LRRC4C: variants seen among roughly 807,000 people sequenced by gnomAD.
LRRC4C encodes leucine rich repeat containing 4C.
Under a neutral mutation model 33.6 loss-of-function variants are expected in LRRC4C, and 5 were observed. The observed-to-expected ratio is 0.15, with a 90% CI of 0.08 to 0.31. LRRC4C has a LOEUF of 0.31. Among genes scored for constraint, LRRC4C ranks in the 10% least tolerant of loss-of-function variants. The pLI, the probability that LRRC4C is intolerant of heterozygous loss-of-function variation, is 1.00. For missense variants in LRRC4C, 560 were observed against 796.7 expected, an observed-to-expected ratio of 0.70 and a Z score of 3.58; for synonymous variants, 329 against 302.0, an observed-to-expected ratio of 1.09 and a Z score of -0.93.
At chr11:41,368,404 C>T (rs2137751019) in intron 1 of LRRC4C, among the ~76,000 whole-genome samples, 1 of 152,292 alleles carries the variant, frequency 6.6e-6, no homozygotes, top group South Asian at 2.1e-4. Context: ...GAGAAAAATC[C>T]CATTAGCCAG....
intron 1 of LRRC4C, among the ~76,000 whole-genome samples, chr11:41,305,043 G>GTT (rs1950444873): frequency 2.7e-5 from 1 of 36,570 alleles, no homozygotes; most frequent in African/African-American, 8.3e-5. Flanking sequence ...CCGGGAGGGA[G>GTT]GTGGGGGGGG....
At chr11:40,670,057 T>C (rs17503018) in intron 2 of LRRC4C, among the ~76,000 whole-genome samples, 1 of 152,150 alleles carries the variant, frequency 6.6e-6, no homozygotes, top group Non-Finnish European at 1.5e-5. Context: ...TCTTCATTTT[T>C]GTCATCAAAG....
chr11:40,164,156 A>T (rs1859392205), intron 5 of LRRC4C, among the ~76,000 whole-genome samples: 1 of 152,204 alleles, frequency 6.6e-6, no homozygotes. Context: ...CTCAGTCTTA[A>T]GCCATCAGGA....
At chr11:40,376,055 G>A (rs1235037041) in intron 3 of LRRC4C, among the ~76,000 whole-genome samples, 2 of 152,086 alleles carry the variant, frequency 1.3e-5, no homozygotes, top group Non-Finnish European at 1.5e-5. Context: ...TAATACTCTT[G>A]TGCATGAAAC....
intron 1 of LRRC4C, among the ~76,000 whole-genome samples, chr11:40,991,848 G>A (rs909610257): frequency 6.6e-6 from 1 of 152,158 alleles, no homozygotes; most frequent in African/African-American, 2.4e-5. Context: ...AAATACTGAT[G>A]AAGCTTTGCT....
intron 2 of LRRC4C, among the ~76,000 whole-genome samples, chr11:40,901,741 G>A (rs553784514): frequency 5.9e-5 from 9 of 152,050 alleles, no homozygotes; most frequent in Admixed American, 2.6e-4. Flanking sequence ...AGAGTGAACC[G>A]TACACAATAC....
At chr11:40,892,989 A>T (rs530286386) in intron 2 of LRRC4C, among the ~76,000 whole-genome samples, 2 of 152,304 alleles carry the variant, frequency 1.3e-5, no homozygotes, top group South Asian at 4.1e-4. Context: ...ATCCAAGGTC[A>T]CAAGTATTTA....
intron 1 of LRRC4C, among the ~76,000 whole-genome samples, chr11:41,369,397 T>A (rs1031548972): frequency 2.6e-5 from 4 of 151,558 alleles, no homozygotes; most frequent in South Asian, 2.1e-4. Context: ...GGGTAGAGGG[T>A]GAGAGCAGGG....
intron 3 of LRRC4C, among the ~76,000 whole-genome samples, chr11:40,394,757 C>T (rs1949473230): frequency 6.6e-6 from 1 of 152,026 alleles, no homozygotes; most frequent in Non-Finnish European, 1.5e-5. Flanking sequence ...TAGAGAGAAG[C>T]AATGATTTAT....
At chr11:40,749,188 G>T (rs540800849) in intron 2 of LRRC4C, among the ~76,000 whole-genome samples, 1 of 152,036 alleles carries the variant, frequency 6.6e-6, no homozygotes, top group Non-Finnish European at 1.5e-5. Flanking sequence ...TCATCAGTAC[G>T]TGGAAAAGTC....
intron 1 of LRRC4C, among the ~76,000 whole-genome samples, chr11:41,294,319 G>A (rs1011388009): frequency 1.8e-4 from 28 of 152,152 alleles, no homozygotes; most frequent in African/African-American, 6.5e-4. Context: ...TGAGAGAAAA[G>A]GACTTCGCAC....
chr11:40,646,463 T>C (rs984497616), intron 3 of LRRC4C, among the ~76,000 whole-genome samples: 9 of 152,130 alleles, frequency 5.9e-5, no homozygotes, highest in Admixed American at 1.3e-4. Context: ...TTTACATGGG[T>C]CACCTAAATG....
chr11:41,263,680 G>T (rs1384835432), intron 1 of LRRC4C, among the ~76,000 whole-genome samples: 1 of 152,078 alleles, frequency 6.6e-6, no homozygotes, highest in South Asian at 2.1e-4. Context: ...ACTGCTAGGG[G>T]AGTTGTTGAT....
intron 1 of LRRC4C, among the ~76,000 whole-genome samples, chr11:41,376,691 ATG>A (rs1952947356): frequency 6.6e-6 from 1 of 152,206 alleles, no homozygotes; most frequent in African/African-American, 2.4e-5. Context: ...AGAAATATTT[ATG>A]TGTGTATTTG....
intron 1 of LRRC4C, among the ~76,000 whole-genome samples, chr11:41,372,227 T>C (rs1383867925): frequency 6.6e-6 from 1 of 152,238 alleles, no homozygotes; most frequent in Non-Finnish European, 1.5e-5. Context: ...TATACAGCCA[T>C]GTGTTCAGGC....
chr11:40,888,532 A>G (rs1955562688), intron 2 of LRRC4C, among the ~76,000 whole-genome samples: 11 of 152,032 alleles, frequency 7.2e-5, no homozygotes, highest in Admixed American at 7.2e-4. Flanking sequence ...TTCTTTGCTG[A>G]AAAATGATTC....
intron 2 of LRRC4C, among the ~76,000 whole-genome samples, chr11:40,653,152 A>G (rs1942906078): frequency 6.6e-6 from 1 of 152,196 alleles, no homozygotes; most frequent in Non-Finnish European, 1.5e-5. Context: ...ATGTACTAAT[A>G]TAGTTAGTTG....
At chr11:40,231,682 T>A (rs1019233465) in intron 5 of LRRC4C, among the ~76,000 whole-genome samples, 4 of 152,188 alleles carry the variant, frequency 2.6e-5, no homozygotes, top group African/African-American at 9.6e-5. Flanking sequence ...TTTATAGATG[T>A]TTAAAATGAA....
At chr11:40,955,219 C>T (rs750739708) in intron 1 of LRRC4C, among the ~76,000 whole-genome samples, 2 of 151,774 alleles carry the variant, frequency 1.3e-5, no homozygotes, top group African/African-American at 2.4e-5. Context: ...CCAAGAGATT[C>T]AATTTTTCAA....
Sources: gnomAD v4.1 joint callset for allele counts (sites outside exome capture counted in the v4.1 genomes callset) on GRCh38, gnomAD v4.1.1 for gene constraint, MANE v1.5 for transcripts, NCBI Gene and HGNC (gene_info 2026-07-23, HGNC 2026-07-21) for gene names.